ARID1B: variants seen among roughly 807,000 people sequenced by gnomAD.
ARID1B encodes the protein AT-rich interactive domain-containing protein 1B.
Under a neutral mutation model 212.3 loss-of-function variants are expected in ARID1B, and 30 were observed. The ratio of observed to expected loss-of-function variants is 0.14; its 90% CI spans 0.11 to 0.19. The LOEUF is 0.19. Ranked by LOEUF, ARID1B falls within the 10% of genes least tolerant of loss-of-function variation. The pLI, the probability that ARID1B is intolerant of heterozygous loss-of-function variation, is 1.00. For synonymous variants in ARID1B, 1,402 were observed against 1,301.7 expected, an observed-to-expected ratio of 1.08 and a Z score of -1.66; for missense variants, 2,891 against 3,204.0, an observed-to-expected ratio of 0.90 and a Z score of 2.36.
At chr6:156,914,912 T>C (rs1689806802) in intron 3 of ARID1B, among the ~76,000 whole-genome samples, 1 of 152,138 alleles carries the variant, frequency 6.6e-6, no homozygotes, top group Admixed American at 6.5e-5. Flanking sequence ...TTTTTCCAAA[T>C]AATGTGTGTG....
intron 4 of ARID1B, among the ~76,000 whole-genome samples, chr6:156,948,357 C>T (rs985680093): frequency 1.3e-5 from 2 of 151,984 alleles, no homozygotes; most frequent in Admixed American, 6.6e-5. Context: ...GAACTATAGG[C>T]GTGTGCCACC....
chr6:157,163,008 G>A (rs201613013), intron 8 of ARID1B, among the ~76,000 whole-genome samples: 4 of 152,306 alleles, frequency 2.6e-5, no homozygotes, highest in South Asian at 2.1e-4. Flanking sequence ...TTGCTTTTCC[G>A]GGTACAGCTT....
At chr6:157,162,861 C>T (rs1445734251) in intron 8 of ARID1B, among the ~76,000 whole-genome samples, 1 of 152,140 alleles carries the variant, frequency 6.6e-6, no homozygotes, top group Non-Finnish European at 1.5e-5. Flanking sequence ...TCTCCTTACC[C>T]CCCTGAGATG....
At chr6:156,801,917 C>T (rs894154992) in intron 1 of ARID1B, among the ~76,000 whole-genome samples, 4 of 152,056 alleles carry the variant, frequency 2.6e-5, no homozygotes, top group Non-Finnish European at 2.9e-5. Context: ...GAAAAAAAAT[C>T]GAATTGCTTT....
intron 4 of ARID1B, among the ~76,000 whole-genome samples, chr6:156,949,342 T>C (rs1793406391): frequency 6.6e-6 from 1 of 152,210 alleles, no homozygotes; most frequent in Non-Finnish European, 1.5e-5. Flanking sequence ...AATTGAGCTT[T>C]TCAGCCGGGA....
rs962441350 is a variant in ARID1B at position 157,002,319 on chromosome 6, T to C, written c.2247+66743T>C. ...TTGAAAAGAATTTCTCCCAAAGTTA[T>C]CTTTATGTTATCTTTACTCTCTGCT... On this transcript the variant is annotated intron_variant, in intron 4 of 19. Coordinates refer to ENST00000636930, the MANE Select transcript of ARID1B (RefSeq NM_001374828.1). Among the ~76,000 whole-genome samples the C allele has an allele frequency of 3.3e-5, 5 of 152,350 alleles. No individual in the cohort carries two copies. The South Asian group carries it at 6.2e-4, about 19-fold the overall frequency.
At chr6:156,876,998 G>A (rs899886760) in intron 2 of ARID1B, among the ~76,000 whole-genome samples, 2 of 152,082 alleles carry the variant, frequency 1.3e-5, no homozygotes, top group Non-Finnish European at 2.9e-5. Context: ...AGGTTCAAGC[G>A]ATTCTCCTGC....
rs569980032 is a variant in ARID1B, at chr6:156,824,456, G to A, written c.1792-4771G>A. Among the ~76,000 whole-genome samples the A allele has an allele frequency of 3.0e-4, 45 of 152,312 alleles. 1 individual carries two copies. In the South Asian group the frequency reaches 7.3e-3, roughly 25 times the overall value. On this transcript the variant is annotated intron_variant, in intron 1 of 19. Transcript: ENST00000636930. Reference sequence around the variant, plus strand: ...GTGAGAAATGAAAATGGTCATACCCGGATAGATGTTAAAAAAACATAAAAT... The same window carrying A: ...GTGAGAAATGAAAATGGTCATACCCAGATAGATGTTAAAAAAACATAAAAT...
chr6:156,971,785 C>T (rs969536211), intron 4 of ARID1B, among the ~76,000 whole-genome samples: 2 of 152,152 alleles, frequency 1.3e-5, no homozygotes, highest in African/African-American at 4.8e-5. Flanking sequence ...TCTCTCTGAT[C>T]CCTCTTTAAG....
Position 157,039,322 on chromosome 6 carries a change from C to CTTTTTTTTTTTTTTTTTTTTTTTTTTT in ARID1B, c.2248-45321_2248-45320insTTTTTTTTTTTTTTTTTTTTTTTTTTT, listed in dbSNP as rs1003131791. Among the ~76,000 whole-genome samples, 42 of 102,948 alleles carry CTTTTTTTTTTTTTTTTTTTTTTTTTTT rather than the reference C, an allele frequency of 4.1e-4. 4 individuals carry two copies. Among genetic ancestry groups the CTTTTTTTTTTTTTTTTTTTTTTTTTTT allele is most frequent in the Non-Finnish European group, 6.1e-4 (31 of 50,932 alleles). 67.5% of individuals were successfully genotyped at this position (102,948 alleles called of 152,430 possible). A position where few individuals can be genotyped will look rare whatever the true frequency, so the allele number is the denominator to read the frequency against. On this transcript the variant is annotated intron_variant, in intron 4 of 19. Coordinates refer to ENST00000636930, the MANE Select transcript of ARID1B (RefSeq NM_001374828.1). ...ATTAAAAATGGGAAATTTGACATTT[C>CTTTTTTTTTTTTTTTTTTTTTTTTTTT]TTTTTTTTTTTTTTTTTTTGAGACG...
chr6:157,057,494 G>C (rs1015668070), intron 4 of ARID1B, among the ~76,000 whole-genome samples: 7 of 151,894 alleles, frequency 4.6e-5, no homozygotes, highest in Admixed American at 1.3e-4. Context: ...TCACTATGTT[G>C]TGCAGCCTGG....
At chr6:156,781,895 A>G (rs965340192) in intron 1 of ARID1B, among the ~76,000 whole-genome samples, 3 of 150,068 alleles carry the variant, frequency 2.0e-5, no homozygotes, top group African/African-American at 7.4e-5. Context: ...TTTTTTCTTA[A>G]TGGTACCAAT....
chr6:157,175,037 T>A (rs1792002817), intron 11 of ARID1B, 32 bp downstream of exon 11: 1 of 1,345,858 alleles, frequency 7.4e-7, no homozygotes, highest in African/African-American at 1.5e-5. Flanking sequence ...TTGTTTTTTT[T>A]GTTTTTTGTT....
intron 4 of ARID1B, among the ~76,000 whole-genome samples, chr6:157,084,327 A>G (rs537427711): frequency 6.6e-6 from 1 of 152,268 alleles, no homozygotes; most frequent in East Asian, 1.9e-4. Flanking sequence ...TTCCTATGGT[A>G]AGTCACCAGG....
chr6:157,168,767 G>A (rs1418790317), intron 9 of ARID1B: 1 of 152,154 alleles, frequency 6.6e-6, no homozygotes, highest in Admixed American at 6.5e-5. Flanking sequence ...TCAGCTATTC[G>A]TTATTCCGTA....
intron 9 of ARID1B, chr6:157,172,627 C>T (rs577696885): frequency 2.0e-5 from 3 of 152,274 alleles, no homozygotes; most frequent in Admixed American, 6.5e-5. Context: ...TCTCAACCTG[C>T]AGTGATGCTA....
intron 1 of ARID1B, among the ~76,000 whole-genome samples, chr6:156,820,100 C>G (rs1459600949): frequency 6.6e-6 from 1 of 152,042 alleles, no homozygotes; most frequent in African/African-American, 2.4e-5. Context: ...CTGTGGATGT[C>G]TGGGCAGGAA....
intron 4 of ARID1B, among the ~76,000 whole-genome samples, chr6:156,993,112 G>A (rs555340001): frequency 4.0e-5 from 6 of 149,784 alleles, no homozygotes; most frequent in South Asian, 4.3e-4. Flanking sequence ...GCATGATCTC[G>A]GCTCACTGCA....
intron 13 of ARID1B, among the ~76,000 whole-genome samples, chr6:157,189,147 AACATTTC>A (rs1793181361): frequency 6.6e-6 from 1 of 152,232 alleles, no homozygotes; most frequent in Non-Finnish European, 1.5e-5. Context: ...TTTCATCTTA[AACATTTC>A]ACATTGTCTA....
Sources: gnomAD v4.1 joint callset for allele counts (sites outside exome capture counted in the v4.1 genomes callset) on GRCh38, gnomAD v4.1.1 for gene constraint, MANE v1.5 for transcripts, NCBI Gene and HGNC (gene_info 2026-07-23, HGNC 2026-07-21) for gene names.